The following NFIA variants were observed in gnomAD, a reference collection of about 807,000 sequenced individuals.
The protein encoded by NFIA is nuclear factor I A, also known as nuclear factor 1 A-type.
NFIA carries 8 observed loss-of-function variants against 62.8 expected under a neutral mutation model. The ratio of observed to expected loss-of-function variants is 0.13; its 90% confidence interval spans 0.07 to 0.23. The LOEUF is 0.23. NFIA is among the 10% of genes least tolerant of loss of function. The pLI is 1.00. For synonymous variants in NFIA, 235 were observed against 238.1 expected (o/e 0.99, Z 0.12); for missense variants, 410 against 642.1 (o/e 0.64, Z 3.91).
At chr1:61,316,365 C>T (rs1410465012) in intron 3 of NFIA, among the ~76,000 whole-genome samples, 1 of 152,144 alleles carries the variant, frequency 6.6e-6, no homozygotes, top group Non-Finnish European at 1.5e-5. Flanking sequence ...GTGGCAAGAT[C>T]ACATAGTACT....
intron 6 of NFIA, among the ~76,000 whole-genome samples, chr1:61,378,582 CAG>C (rs1442306257): frequency 1.3e-5 from 2 of 152,162 alleles, no homozygotes; most frequent in African/African-American, 2.4e-5. Flanking sequence ...CAAATTTTCA[CAG>C]AGTTAGCAAC....
intron 2 of NFIA, among the ~76,000 whole-genome samples, chr1:61,177,004 G>A (rs538586963): frequency 6.6e-6 from 1 of 151,980 alleles, no homozygotes; most frequent in Admixed American, 6.6e-5. Flanking sequence ...TACTCGGCAG[G>A]CTGAGGCAGG....
At chr1:61,279,506 C>T (rs1658008861) in intron 3 of NFIA, among the ~76,000 whole-genome samples, 1 of 151,522 alleles carries the variant, frequency 6.6e-6, no homozygotes, top group Admixed American at 6.6e-5. Flanking sequence ...AGACTAGTTT[C>T]GTTCTTTATT....
At chr1:61,275,505 T>C (rs1657755845) in intron 2 of NFIA, among the ~76,000 whole-genome samples, 1 of 152,172 alleles carries the variant, frequency 6.6e-6, no homozygotes, top group Admixed American at 6.5e-5. Flanking sequence ...CTATTTTCCA[T>C]TTATTCATAG....
At chr1:61,379,402 C>CTATTTTTTTTTTTTT (rs1410203326) in intron 6 of NFIA, among the ~76,000 whole-genome samples, 4 of 98,254 alleles carry the variant, frequency 4.1e-5, no homozygotes, top group Non-Finnish European at 2.0e-5. Flanking sequence ...TTTTCTTTTT[C>CTATTTTTTTTTTTTT]TTTTTTTTTT....
intron 2 of NFIA, among the ~76,000 whole-genome samples, chr1:61,172,646 T>A (rs931962912): frequency 6.6e-6 from 1 of 152,196 alleles, no homozygotes; most frequent in Non-Finnish European, 1.5e-5. Context: ...GTCAGCTCTT[T>A]TTATAGTCAG....
chr1:61,111,265 TATAACA>T (rs1178437594), intron 2 of NFIA, among the ~76,000 whole-genome samples: 9 of 152,154 alleles, frequency 5.9e-5, no homozygotes, highest in Non-Finnish European at 1.5e-5. Flanking sequence ...AGATCTTTCC[TATAACA>T]ATAACTGCCA....
At chr1:61,173,405 T>G (rs1650102447) in intron 2 of NFIA, among the ~76,000 whole-genome samples, 1 of 152,160 alleles carries the variant, frequency 6.6e-6, no homozygotes. Flanking sequence ...TTTCTTTTCT[T>G]TTTTGACAGT....
chr1:61,435,385 G>A (rs149276377), intron 10 of NFIA, among the ~76,000 whole-genome samples: 280 of 152,326 alleles, frequency 1.8e-3, no homozygotes, highest in African/African-American at 6.3e-3. Context: ...CAAGAAATCT[G>A]TGAGTGAGTG....
chr1:61,379,402 CTTTTTTTTTTTTTT>C (rs60735193), intron 6 of NFIA, among the ~76,000 whole-genome samples: 1 of 98,264 alleles, frequency 1.0e-5, no homozygotes, highest in East Asian at 3.4e-4. Context: ...TTTTCTTTTT[CTTTTTTTTTTTTTT>C]TTTTTTTTTT....
intron 2 of NFIA, among the ~76,000 whole-genome samples, chr1:61,222,839 T>G (rs1375079283): frequency 6.6e-6 from 1 of 152,068 alleles, no homozygotes; most frequent in Admixed American, 6.5e-5. Context: ...ATTCCAAGTC[T>G]GGTATTTCCT....
intron 2 of NFIA, among the ~76,000 whole-genome samples, chr1:61,208,309 G>A (rs1330074874): frequency 6.6e-6 from 1 of 152,132 alleles, no homozygotes; most frequent in East Asian, 1.9e-4. Context: ...CCTTCTGAGA[G>A]CAGCTAGTTT....
intron 6 of NFIA, among the ~76,000 whole-genome samples, chr1:61,359,869 GATTCACCCAC>G (rs1663189140): frequency 6.6e-6 from 1 of 152,116 alleles, no homozygotes; most frequent in South Asian, 2.1e-4. Flanking sequence ...CTGACCTTGT[GATTCACCCAC>G]CTCGGCCTCC....
chr1:61,418,491 G>C (rs940355114), intron 9 of NFIA, among the ~76,000 whole-genome samples: 1 of 151,808 alleles, frequency 6.6e-6, no homozygotes, highest in Non-Finnish European at 1.5e-5. Flanking sequence ...CATAATCCCA[G>C]TCTTCAAAGA....
At chr1:61,332,124 A>G (rs1661331608) in intron 3 of NFIA, among the ~76,000 whole-genome samples, 1 of 152,228 alleles carries the variant, frequency 6.6e-6, no homozygotes, top group African/African-American at 2.4e-5. Context: ...TCTTTAGAGA[A>G]TAATGTTTAA....
intron 2 of NFIA, among the ~76,000 whole-genome samples, chr1:61,120,459 G>A (rs566595397): frequency 1.4e-4 from 21 of 152,234 alleles, no homozygotes; most frequent in African/African-American, 5.1e-4. Flanking sequence ...ACTACACAGG[G>A]TTGAGCATTC....
At chr1:61,256,042 A>G (rs1656371552) in intron 2 of NFIA, among the ~76,000 whole-genome samples, 1 of 152,182 alleles carries the variant, frequency 6.6e-6, no homozygotes, top group South Asian at 2.1e-4. Flanking sequence ...TCCCTCGACC[A>G]CATTGGAAGA....
intron 9 of NFIA, among the ~76,000 whole-genome samples, chr1:61,411,778 G>A (rs1329244955): frequency 6.6e-6 from 1 of 151,724 alleles, no homozygotes; most frequent in East Asian, 1.9e-4. Context: ...ACTTGCGAAG[G>A]GCAAATTTGA....
intron 3 of NFIA, among the ~76,000 whole-genome samples, chr1:61,300,668 T>C (rs1345152784): frequency 6.6e-6 from 1 of 151,994 alleles, no homozygotes; most frequent in African/African-American, 2.4e-5. Context: ...TGTATGTATA[T>C]ATACACACAC....
Sources: gnomAD v4.1 joint callset for allele counts (sites outside exome capture counted in the v4.1 genomes callset) on GRCh38, gnomAD v4.1.1 for gene constraint, MANE v1.5 for transcripts, NCBI Gene and HGNC (gene_info 2026-07-23, HGNC 2026-07-21) for gene names.